VEZF1: variants seen among roughly 807,000 people sequenced by gnomAD.
The protein encoded by VEZF1 is vascular endothelial zinc finger 1, also known as putative transcription factor DB1.
In VEZF1, 5 loss-of-function variants were observed where a neutral mutation model predicts 44.1. The observed-to-expected ratio is 0.11, with a 90% confidence interval of 0.06 to 0.24. VEZF1 has a LOEUF of 0.24. VEZF1 is among the 10% of genes least tolerant of loss of function. The probability of loss-of-function intolerance (pLI) is 1.00; values close to 1 mark genes in which losing one functional copy is unlikely to be tolerated. For synonymous variants in VEZF1, 236 were observed against 233.1 expected, an observed-to-expected ratio of 1.01 and a Z score of -0.11; for missense variants, 358 against 641.8, an observed-to-expected ratio of 0.56 and a Z score of 4.78.
At position 57,974,661 on chromosome 17, in the gene VEZF1, G is replaced by A; in HGVS notation, c.1378C>T (p.Leu460Phe). ...GTGGGGAGGTTGACTGGGGTAGTGA[G>A]TGTTAAAGGAGAGGTCATGGATAAT... ...SPLSMTSPLTLTTPVNLPTPV... is the reference protein window; with the variant it reads ...SPLSMTSPLTFTTPVNLPTPV... The change falls in exon 6 of 6, where the codon CTC becomes TTC. Residue 460 changes from leucine to phenylalanine, a missense_variant. By Grantham distance (22) the Leu-to-Phe change is conservative. Coordinates refer to ENST00000581208, the MANE Select transcript of VEZF1 (RefSeq NM_007146.3). The A allele has an allele frequency of 6.2e-7, 1 of 1,614,128 alleles. No homozygotes were observed. Among genetic ancestry groups the A allele is most frequent in the Non-Finnish European group, 8.5e-7 (1 of 1,180,008 alleles).
Position 57,972,883 on chromosome 17 carries a change from G to A in VEZF1, c.*1590C>T, listed in dbSNP as rs1452006919. ...TACCTGTCCCTGATGTAGGAAGTCT[G>A]TCTCAGATGCAAGGTATTTTGATGC... is the stretch of plus-strand genomic sequence containing the variant. On this transcript the variant is annotated 3_prime_UTR_variant, in exon 6 of 6. Coordinates refer to ENST00000581208, the MANE Select transcript of VEZF1 (RefSeq NM_007146.3). 6.6e-6 allele frequency: 1 copy of A among 152,568 alleles called. No individual in the cohort carries two copies. Among genetic ancestry groups the A allele is most frequent in the African/African-American group, 2.4e-5 (1 of 41,426 alleles). The allele number at this position is 152,568 out of a possible 1,614,324, so 9.5% of individuals were successfully genotyped here. A position where few individuals can be genotyped will look rare whatever the true frequency, so the allele number is the denominator to read the frequency against.
intron 3 of VEZF1, among the ~76,000 whole-genome samples, chr17:57,981,100 T>C (rs917093171): frequency 6.6e-6 from 1 of 152,220 alleles, no homozygotes; most frequent in Non-Finnish European, 1.5e-5. Flanking sequence ...TTGGTTAACC[T>C]ATCTGAAAGC....
chr17:57,974,555 G>C lies in VEZF1; in HGVS notation c.1484C>G (p.Ala495Gly), dbSNP rs762247563. The stretch of plus-strand genomic sequence containing the variant: ...TCTCATTGCTATATTGAGAGGGGCG[G>C]CTAATGTCATAGGTGTGGGTAGATT... ...PMNLPTPMTL[A>G]APLNIAMRPV... Residue 495 changes from alanine (A) to glycine (G), a missense_variant, in exon 6 of 6, where the codon GCC (alanine) becomes GGC (glycine). Physicochemically the swap from Ala to Gly is moderately conservative, Grantham distance 60. Around this residue, in one of 4 missense-constraint regions of VEZF1, gnomAD observed 171 missense variants for 272.4 expected, o/e 0.63. Transcript: ENST00000581208. 14 of 1,614,210 alleles carry C rather than the reference G, an allele frequency of 8.7e-6. No homozygotes were observed. In the Admixed American group the frequency reaches 1.0e-4, roughly 12 times the overall value.
At chr17:57,976,829 G>A (rs2075196600) in intron 5 of VEZF1, among the ~76,000 whole-genome samples, 1 of 152,036 alleles carries the variant, frequency 6.6e-6, no homozygotes, top group African/African-American at 2.4e-5. Flanking sequence ...GAGAGATTGA[G>A]AGAGAAAACC....
chr17:57,985,336 C>T lies in VEZF1; in HGVS notation c.34-1943G>A, dbSNP rs1003416526. The T allele has an allele frequency of 3.2e-6, 4 of 1,231,108 alleles. No homozygotes were observed. In the African/African-American group the frequency reaches 4.7e-5, roughly 14 times the overall value. 76.3% of individuals were successfully genotyped at this position (1,231,108 alleles called of 1,614,324 possible). A position where few individuals can be genotyped will look rare whatever the true frequency, so the allele number is the denominator to read the frequency against. On this transcript the variant is annotated intron_variant, in intron 1 of 5. Coordinates refer to ENST00000581208, the MANE Select transcript of VEZF1 (RefSeq NM_007146.3). ...GAAGCTCACTCTCACAGGAGGGTCA[C>T]ACCAGGTCCCTGCTTCTTGGGTGAA...
At chr17:57,978,235 C>G (rs1457342047) in intron 5 of VEZF1, among the ~76,000 whole-genome samples, 4 of 151,584 alleles carry the variant, frequency 2.6e-5, no homozygotes. Context: ...GAAGGGATCA[C>G]TCTGAGGAAG....
At chr17:57,982,672 A>G in intron 2 of VEZF1, 27 bp downstream of exon 2, 1 of 1,567,452 alleles carries the variant, frequency 6.4e-7, no homozygotes, top group South Asian at 1.2e-5. Context: ...ATAATGAAGC[A>G]AAGCAAAGCA....
chr17:57,983,235 C>A lies in VEZF1; in HGVS notation c.192G>T (p.Gly64=). 1 of 1,613,894 alleles carries A rather than the reference C, an allele frequency of 6.2e-7. No individual in the cohort carries two copies. Among genetic ancestry groups the A allele is most frequent in the Non-Finnish European group, 8.5e-7 (1 of 1,179,964 alleles). Residue 64 remains glycine (G), a synonymous_variant, in exon 2 of 6, where the codon GGG becomes GGT. Coordinates refer to ENST00000581208, the MANE Select transcript of VEZF1 (RefSeq NM_007146.3). The part of the protein sequence containing the change: ...GAPETLKDAI[G]IKKEKPKTSF... ...AAGTTTTGGGTTTTTCTTTTTTAAT[C>A]CCAATGGCATCCTTTAATGTTTCTG...
chr17:57,987,826 T>A (rs938579455), intron 1 of VEZF1, among the ~76,000 whole-genome samples: 1 of 151,644 alleles, frequency 6.6e-6, no homozygotes. Flanking sequence ...AGTGTGTGTG[T>A]GTGCGTGTGT....
At position 57,982,707 on chromosome 17, in the gene VEZF1, G is replaced by A. The variant is rs765965901; in HGVS notation, c.720C>T (p.Gly240=). ...AAAGCAAAATGCAGTACCTTGAGAA[G>A]CCTTTCCCACAAACACTGCAAGTAT... ...KPYTCSVCGK[G]FSRPDHLSCH... The change falls in exon 2 of 6, where the codon GGC becomes GGT. Residue 240 remains glycine (G), a synonymous_variant. Transcript: ENST00000581208. 1.9e-6 allele frequency: 3 copies of A among 1,609,030 alleles called. No homozygotes were observed. In the African/African-American group the frequency reaches 4.0e-5, roughly 22 times the overall value.
In VEZF1 at chr17:57,974,223, A is replaced by G; in HGVS notation, c.*250T>C. 3.8e-6 allele frequency: 2 copies of G among 520,614 alleles called. No individual in the cohort carries two copies. The highest frequency in any genetic ancestry group is 1.9e-5 in the African/African-American group (1 of 52,852). 32.2% of individuals were successfully genotyped at this position (520,614 alleles called of 1,614,324 possible). On this transcript the variant is annotated 3_prime_UTR_variant, in exon 6 of 6. Transcript: ENST00000581208. ...ATTCTGGCATTTCATCTTGCCAACT[A>G]CTATCCTGTTTAAGCAATGTTGTCA...
In VEZF1 at chr17:57,973,713, T is replaced by C. The variant is rs2075160656; in HGVS notation, c.*760A>G. On this transcript the variant is annotated 3_prime_UTR_variant, in exon 6 of 6. Coordinates refer to ENST00000581208, the MANE Select transcript of VEZF1 (RefSeq NM_007146.3). ...CTCCTCTGTCAGTTGAGGCTTTTCT[T>C]AGCAAAACACAATTTGTAGATTTTT... 6.6e-6 allele frequency: 1 copy of C among 152,272 alleles called. No homozygotes were observed. Among genetic ancestry groups the C allele is most frequent in the Non-Finnish European group, 1.5e-5 (1 of 68,040 alleles). The allele number at this position is 152,272 out of a possible 1,614,324, so 9.4% of individuals were successfully genotyped here.
chr17:57,983,788 A>G (rs1482411961), intron 1 of VEZF1, among the ~76,000 whole-genome samples: 1 of 152,230 alleles, frequency 6.6e-6, no homozygotes, highest in Admixed American at 6.5e-5. Flanking sequence ...CTGCAGCAAT[A>G]CACACATACA....
At chr17:57,986,845 G>A (rs2075298566) in intron 1 of VEZF1, among the ~76,000 whole-genome samples, 1 of 152,132 alleles carries the variant, frequency 6.6e-6, no homozygotes, top group African/African-American at 2.4e-5. Flanking sequence ...TACGCGTTTG[G>A]GATTTCACGA....
Position 57,980,558 on chromosome 17 carries a change from A to G in VEZF1, c.976+45T>C, listed in dbSNP as rs761742122. ...TACAATATGAAAACATGCATATTTC[A>G]CCCATCTGAAATATAAAAGAAAGAA... On this transcript the variant is annotated intron_variant, in intron 4 of 5. Coordinates refer to ENST00000581208, the MANE Select transcript of VEZF1 (RefSeq NM_007146.3). 1.9e-6 allele frequency: 3 copies of G among 1,550,338 alleles called. No individual in the cohort carries two copies. In the South Asian group the frequency reaches 3.4e-5, roughly 17 times the overall value.
intron 4 of VEZF1, among the ~76,000 whole-genome samples, chr17:57,980,034 G>A (rs913063798): frequency 2.0e-5 from 3 of 148,146 alleles, no homozygotes; most frequent in Admixed American, 1.3e-4. Flanking sequence ...CAACATACCA[G>A]TGTACTTACA....
chr17:57,985,005 C>G (rs2143370883), intron 1 of VEZF1, among the ~76,000 whole-genome samples: 1 of 152,320 alleles, frequency 6.6e-6, no homozygotes, highest in South Asian at 2.1e-4. Flanking sequence ...CAGGTGACAT[C>G]AGCAGAAACT....
chr17:57,979,746 G>A (rs1245322480), intron 4 of VEZF1, among the ~76,000 whole-genome samples: 1 of 151,976 alleles, frequency 6.6e-6, no homozygotes, highest in Non-Finnish European at 1.5e-5. Context: ...GACTGTCTGG[G>A]CTCAGGAGTT....
rs773155679 is a variant in VEZF1, at chr17:57,974,873, G to A, written c.1166C>T (p.Thr389Met). The change falls in exon 6 of 6, where the codon ACG becomes ATG. Residue 389 changes from threonine to methionine, a missense_variant. Physicochemically the swap from Thr to Met is moderately conservative, Grantham distance 81. Coordinates refer to ENST00000581208, the MANE Select transcript of VEZF1 (RefSeq NM_007146.3). ...KEAANLCQTS[T>M]AATTPVTLTT... ...GAGAGTCACAGGTGTCGTAGCAGCC[G>A]TGGAGGTTTGGCACAGGTTAGCAGC... The A allele has an allele frequency of 1.2e-6, 2 of 1,614,066 alleles. No homozygotes were observed. The highest frequency in any genetic ancestry group is 1.7e-6 in the Non-Finnish European group (2 of 1,179,912).
Sources: gnomAD v4.1 joint callset for allele counts (sites outside exome capture counted in the v4.1 genomes callset) on GRCh38, gnomAD v4.1.1 for gene constraint, gnomAD v4.1.1 regional missense constraint, MANE v1.5 for transcripts, NCBI Gene and HGNC (gene_info 2026-07-23, HGNC 2026-07-21) for gene names.